Variants in SNAP91 observed in about 807,000 individuals in gnomAD.
SNAP91 encodes synaptosome associated protein 91, also known as clathrin coat assembly protein AP180.
Under a neutral mutation model 100.3 loss-of-function variants are expected in SNAP91, and 27 were observed. The observed-to-expected ratio is 0.27, with a 90% CI of 0.20 to 0.37. The LOEUF is 0.37. Ranked by LOEUF, SNAP91 falls within the 10% of genes least tolerant of loss-of-function variation. The pLI, the probability that SNAP91 is intolerant of heterozygous loss-of-function variation, is 1.00. For synonymous variants in SNAP91, 404 were observed against 398.6 expected (o/e 1.01, Z -0.16); for missense variants, 986 against 1,123.7 (o/e 0.88, Z 1.75).
chr6:83,611,994 T>G (rs2128317434), intron 11 of SNAP91, among the ~76,000 whole-genome samples: 1 of 151,020 alleles, frequency 6.6e-6, no homozygotes, highest in East Asian at 2.0e-4. Context: ...GTGCTGGAAT[T>G]ACAGGCATGA....
At chr6:83,689,255 C>T (rs1314225199) in intron 2 of SNAP91, among the ~76,000 whole-genome samples, 1 of 152,186 alleles carries the variant, frequency 6.6e-6, no homozygotes, top group Admixed American at 6.5e-5. Context: ...TGTCAGCTAT[C>T]TCTTTATACT....
At chr6:83,643,716 A>T (rs2097799775) in intron 7 of SNAP91, among the ~76,000 whole-genome samples, 1 of 152,232 alleles carries the variant, frequency 6.6e-6, no homozygotes, top group South Asian at 2.1e-4. Flanking sequence ...AGAACTAATT[A>T]TCAAGAGCAG....
intron 2 of SNAP91, among the ~76,000 whole-genome samples, chr6:83,697,160 T>C (rs553462091): frequency 2.6e-5 from 4 of 152,278 alleles, no homozygotes; most frequent in South Asian, 2.1e-4. Context: ...AATAACTTAG[T>C]GAATACTATC....
intron 7 of SNAP91, among the ~76,000 whole-genome samples, chr6:83,649,740 C>T (rs972285288): frequency 2.7e-5 from 4 of 150,722 alleles, no homozygotes; most frequent in African/African-American, 7.3e-5. Context: ...GCCACCATGC[C>T]TGGCTTTTTT....
intron 24 of SNAP91, 112 bp downstream of exon 24, chr6:83,580,338 T>C (rs1301161445): frequency 5.3e-6 from 6 of 1,126,216 alleles, no homozygotes; most frequent in Non-Finnish European, 7.5e-6. Context: ...TACTCACCCA[T>C]AAGAGAGTCC....
intron 28 of SNAP91, among the ~76,000 whole-genome samples, chr6:83,559,683 TTTGCAGTTTGGCAAACTTA>T (rs1329744209): frequency 1.6e-5 from 2 of 128,472 alleles, no homozygotes; most frequent in Non-Finnish European, 3.5e-5. Context: ...TCTCACAGAC[TTTGCAGTTTGGCAAACTTA>T]TTGCAGTTAG....
chr6:83,607,225 G>T (rs191506376), intron 13 of SNAP91, among the ~76,000 whole-genome samples: 5 of 151,834 alleles, frequency 3.3e-5, no homozygotes, highest in African/African-American at 7.3e-5. Flanking sequence ...TGATCTGTAG[G>T]TTCTATAAAA....
chr6:83,579,754 T>C (rs1012750321), intron 24 of SNAP91, among the ~76,000 whole-genome samples: 3 of 152,192 alleles, frequency 2.0e-5, no homozygotes, highest in African/African-American at 4.8e-5. Context: ...TTCCTGCAGA[T>C]GTCCTTCTTT....
intron 29 of SNAP91, among the ~76,000 whole-genome samples, chr6:83,554,908 GTCTTTGTCTGTCTCTGTCTCTCTTTC>G (rs1312290570): frequency 5.3e-5 from 8 of 152,116 alleles, no homozygotes; most frequent in African/African-American, 1.9e-4. Context: ...CTGTGTCTCT[GTCTTTGTCTGTCTCTGTCTCTCTTTC>G]TCTTTGTCTG....
chr6:83,575,236 G>A (rs1316686123), intron 25 of SNAP91, 115 bp from the exon 26 acceptor site: 5 of 734,696 alleles, frequency 6.8e-6, no homozygotes, highest in East Asian at 5.4e-5. Context: ...ATTTAGTCAA[G>A]TGGTATAGTA....
chr6:83,565,407 T>C (rs1795171682), intron 26 of SNAP91, among the ~76,000 whole-genome samples: 1 of 152,182 alleles, frequency 6.6e-6, no homozygotes, highest in African/African-American at 2.4e-5. Flanking sequence ...AAAGTCCTTT[T>C]CCTTTGTCTT....
chr6:83,684,770 AT>A (rs2099038748), intron 2 of SNAP91, among the ~76,000 whole-genome samples: 1 of 152,128 alleles, frequency 6.6e-6, no homozygotes, highest in Admixed American at 6.6e-5. Context: ...GAGCTCTGTT[AT>A]TTTTTAAAAA....
chr6:83,610,723 A>G, intron 11 of SNAP91, 46 bp from the exon 12 acceptor site: 1 of 187,848 alleles, frequency 5.3e-6, no homozygotes, highest in Non-Finnish European at 9.4e-6. Context: ...ATATATATAT[A>G]TATATATATA....
In SNAP91 at chr6:83,580,599, A is replaced by G; in HGVS notation, c.2150T>C (p.Val717Ala). Residue 717 changes from valine to alanine, a missense_variant and splice_region_variant, in exon 24 of 30, where the codon GTG becomes GCG. By Grantham distance (64) the Val-to-Ala change is moderately conservative (BLOSUM62 0). Around this residue, in one of 4 missense-constraint regions of SNAP91, gnomAD observed 575 missense variants for 579.9 expected, o/e 0.99. Transcript: ENST00000369694. ...CAAAAGATCACCTAGACCATCAAACACTGGAAATCAAATAGACTAGGTTCA... is the reference window on the plus strand; with the variant it reads ...CAAAAGATCACCTAGACCATCAAACGCTGGAAATCAAATAGACTAGGTTCA... ...TSSSSSFDPS[V>A]FDGLGDLLMP... is the part of the protein sequence containing the mutation. 4 of 1,600,162 alleles carry G rather than the reference A, an allele frequency of 2.5e-6. No homozygotes were observed. The highest frequency in any genetic ancestry group is 1.7e-6 in the Non-Finnish European group (2 of 1,175,756).
At chr6:83,619,155 G>T (rs1584175089) in intron 9 of SNAP91, among the ~76,000 whole-genome samples, 2 of 151,960 alleles carry the variant, frequency 1.3e-5, no homozygotes, top group East Asian at 1.9e-4. Flanking sequence ...TTTGATCAAG[G>T]AATACAAGAC....
intron 2 of SNAP91, among the ~76,000 whole-genome samples, chr6:83,665,922 T>C (rs1179749644): frequency 1.3e-5 from 2 of 152,094 alleles, no homozygotes; most frequent in Non-Finnish European, 2.9e-5. Context: ...TTGTTACTGC[T>C]ATAAGCACAA....
At chr6:83,596,094 G>T (rs933339296) in intron 16 of SNAP91, among the ~76,000 whole-genome samples, 5 of 152,090 alleles carry the variant, frequency 3.3e-5, no homozygotes, top group African/African-American at 1.2e-4. Flanking sequence ...TTGCTCTGTT[G>T]CCCAGGCTGG....
chr6:83,564,361 A>C (rs1793517326), intron 26 of SNAP91, among the ~76,000 whole-genome samples: 1 of 148,764 alleles, frequency 6.7e-6, no homozygotes, highest in Non-Finnish European at 1.5e-5. Context: ...ATATATATAC[A>C]GGATCTTGCT....
chr6:83,590,125 G>A (rs1423226877), intron 22 of SNAP91, among the ~76,000 whole-genome samples: 1 of 152,062 alleles, frequency 6.6e-6, no homozygotes, highest in Non-Finnish European at 1.5e-5. Context: ...CTGTGGAGGG[G>A]CCTCAGAAGC....
Sources: gnomAD v4.1 joint callset for allele counts (sites outside exome capture counted in the v4.1 genomes callset) on GRCh38, gnomAD v4.1.1 for gene constraint, gnomAD v4.1.1 regional missense constraint, MANE v1.5 for transcripts, NCBI Gene and HGNC (gene_info 2026-07-23, HGNC 2026-07-21) for gene names.